FHIT: variants seen among roughly 807,000 people sequenced by gnomAD.
FHIT encodes the protein fragile histidine triad diadenosine triphosphatase.
A neutral mutation model predicts 17.9 loss-of-function variants in FHIT; 19 were observed. That is an observed-to-expected ratio of 1.06 (90% CI 0.74 to 1.56). The LOEUF is 1.56. FHIT is among the 40% of genes most tolerant of loss of function. The probability of loss-of-function intolerance (pLI) is 0.00; values close to 1 mark genes in which losing one functional copy is unlikely to be tolerated. For missense variants in FHIT, 248 were observed against 189.2 expected (o/e 1.31, Z -1.82); for synonymous variants, 81 against 69.7 (o/e 1.16, Z -0.81).
rs1559862352 is a variant in FHIT at position 60,955,615 on chromosome 3, T to TATACATATATATATATATAC, written c.-111+86431_-111+86432insGTATATATATATATATGTAT. Among the ~76,000 whole-genome samples the TATACATATATATATATATAC allele has an allele frequency of 2.0e-3, 25 of 12,400 alleles. 4 individuals carry two copies. Among genetic ancestry groups the TATACATATATATATATATAC allele is most frequent in the Admixed American group, 3.9e-3 (2 of 518 alleles). The allele number at this position is 12,400 out of a possible 152,430, so 8.1% of individuals were successfully genotyped here. ...ATATATACATATATATATATATATA[T>TATACATATATATATATATAC]ATATATATATATATATATACACACA... On this transcript the variant is annotated intron_variant, in intron 3 of 9. Coordinates refer to ENST00000492590, the MANE Select transcript of FHIT (RefSeq NM_002012.4).
chr3:60,569,204 T>A (rs781222531), intron 4 of FHIT, among the ~76,000 whole-genome samples: 12 of 152,146 alleles, frequency 7.9e-5, no homozygotes, highest in Non-Finnish European at 1.8e-4. Context: ...AATAGAAATC[T>A]ATTTTCAGAT....
intron 3 of FHIT, among the ~76,000 whole-genome samples, 152 bp from the exon 4 acceptor site, chr3:60,822,163 G>T (rs1701952883): frequency 6.6e-6 from 1 of 152,154 alleles, no homozygotes; most frequent in African/African-American, 2.4e-5. Flanking sequence ...TGTGATTTTT[G>T]CAGGCATTGT....
chr3:60,242,262 A>T lies in FHIT; in HGVS notation c.104-228110T>A, dbSNP rs554389982. ...TAGCTGTATATTTCAAATAAAATTG[A>T]TATTTTGCTTATTTTCAGAGGAAAT... On this transcript the variant is annotated intron_variant, in intron 5 of 9. Transcript: ENST00000492590. Among the ~76,000 whole-genome samples, 251 of 152,180 alleles carry T rather than the reference A, an allele frequency of 1.6e-3. 3 individuals are homozygous for T. The highest frequency in any genetic ancestry group is 2.4e-3 in the Non-Finnish European group (163 of 67,986).
rs370767865 is a variant in FHIT at position 60,248,443 on chromosome 3, G to A, written c.104-234291C>T. On this transcript the variant is annotated intron_variant, in intron 5 of 9. Coordinates refer to ENST00000492590, the MANE Select transcript of FHIT (RefSeq NM_002012.4). ...TCCCCTTCAGGGTGTATGAGACAGC[G>A]TGTTGGAAAATGGAATGATTCTTGG... Among the ~76,000 whole-genome samples the A allele has an allele frequency of 3.3e-5, 5 of 152,132 alleles. 1 individual carries two copies. Among genetic ancestry groups the A allele is most frequent in the Non-Finnish European group, 7.4e-5 (5 of 68,022 alleles).
intron 1 of FHIT, among the ~76,000 whole-genome samples, chr3:61,241,568 G>A (rs2040374229): frequency 1.3e-5 from 2 of 152,176 alleles, no homozygotes; most frequent in Admixed American, 1.3e-4. Context: ...AAATATTCAT[G>A]CATTAAACCT....
chr3:60,785,450 T>G (rs144375975), intron 4 of FHIT, among the ~76,000 whole-genome samples: 2 of 152,302 alleles, frequency 1.3e-5, no homozygotes, highest in Non-Finnish European at 2.9e-5. Context: ...GAGAAGTGCC[T>G]CTGGATTCAT....
chr3:59,772,523 G>T (rs1336097843), intron 8 of FHIT, among the ~76,000 whole-genome samples: 1 of 152,206 alleles, frequency 6.6e-6, no homozygotes, highest in African/African-American at 2.4e-5. Flanking sequence ...ACATGAGGAA[G>T]CTGAGCACAG....
chr3:61,067,601 A>C (rs1202102093), intron 2 of FHIT, among the ~76,000 whole-genome samples: 1 of 152,192 alleles, frequency 6.6e-6, no homozygotes. Flanking sequence ...CCCAGAGGTC[A>C]AATTGATACA....
rs539377802 is a variant in FHIT at position 60,610,704 on chromosome 3, A to T, written c.-17-73725T>A. Among the ~76,000 whole-genome samples the T allele has an allele frequency of 9.2e-5, 14 of 152,232 alleles. No individual in the cohort carries two copies. In the East Asian group the frequency reaches 2.7e-3, roughly 29 times the overall value. On this transcript the variant is annotated intron_variant, in intron 4 of 9. Transcript: ENST00000492590. ...TCGAAAAAATATTAATAATATCAAA[A>T]CACCTTGCGGCTGCTCTTTTAGATC...
chr3:60,887,939 C>T (rs1018948742), intron 3 of FHIT, among the ~76,000 whole-genome samples: 2 of 152,142 alleles, frequency 1.3e-5, no homozygotes, highest in Non-Finnish European at 2.9e-5. Flanking sequence ...AATGCGATAT[C>T]TGAGCTAAAA....
chr3:60,856,079 T>G (rs1048317798), intron 3 of FHIT, among the ~76,000 whole-genome samples: 1 of 152,138 alleles, frequency 6.6e-6, no homozygotes, highest in Non-Finnish European at 1.5e-5. Flanking sequence ...AGGAGACCAT[T>G]CCCAACATGT....
intron 4 of FHIT, among the ~76,000 whole-genome samples, chr3:60,791,169 T>C (rs1700764500): frequency 6.6e-6 from 1 of 152,072 alleles, no homozygotes; most frequent in South Asian, 2.1e-4. Flanking sequence ...GCTGGCCCCT[T>C]ATCTTTCACC....
At chr3:59,805,419 T>C (rs1168228025) in intron 8 of FHIT, among the ~76,000 whole-genome samples, 1 of 152,212 alleles carries the variant, frequency 6.6e-6, no homozygotes, top group East Asian at 1.9e-4. Context: ...AAGGTCTTTC[T>C]GACTGTTCGC....
chr3:60,137,504 A>G (rs1046604347), intron 5 of FHIT, among the ~76,000 whole-genome samples: 2 of 152,168 alleles, frequency 1.3e-5, no homozygotes, highest in African/African-American at 4.8e-5. Context: ...ATGACTAGGT[A>G]GCTAGCTGCC....
chr3:59,891,415 A>G (rs1559703266), intron 8 of FHIT, among the ~76,000 whole-genome samples: 1 of 152,230 alleles, frequency 6.6e-6, no homozygotes. Context: ...AAGAATTCCC[A>G]TTGCTGGGTA....
At chr3:60,302,531 C>T (rs543616637) in intron 5 of FHIT, among the ~76,000 whole-genome samples, 1 of 152,222 alleles carries the variant, frequency 6.6e-6, no homozygotes, top group East Asian at 1.9e-4. Flanking sequence ...ATTTAGTGAT[C>T]ATCACAGTGC....
At chr3:60,955,609 T>TATATATATATACATATATATATATAC (rs1709090950) in intron 3 of FHIT, among the ~76,000 whole-genome samples, 1 of 9,150 alleles carries the variant, frequency 1.1e-4, no homozygotes, top group African/African-American at 1.7e-4. Flanking sequence ...TATATATATA[T>TATATATATATACATATATATATATAC]ATATATATAT....
intron 3 of FHIT, among the ~76,000 whole-genome samples, chr3:60,936,657 C>A (rs1385474440): frequency 1.3e-5 from 2 of 152,112 alleles, no homozygotes. Context: ...AATGAATCCT[C>A]TTCTTCTAGA....
chr3:60,710,394 T>A (rs2041491670), intron 4 of FHIT, among the ~76,000 whole-genome samples: 1 of 152,184 alleles, frequency 6.6e-6, no homozygotes, highest in African/African-American at 2.4e-5. Context: ...CCGGTTCATC[T>A]CACTAGGGAG....
Sources: gnomAD v4.1 joint callset for allele counts (sites outside exome capture counted in the v4.1 genomes callset) on GRCh38, gnomAD v4.1.1 for gene constraint, MANE v1.5 for transcripts, NCBI Gene and HGNC (gene_info 2026-07-23, HGNC 2026-07-21) for gene names.